The following SIM2 variants were observed in gnomAD, a reference collection of about 807,000 sequenced individuals.
The protein encoded by SIM2 is SIM bHLH transcription factor 2.
In SIM2, 28 loss-of-function variants were observed where a neutral mutation model predicts 64.8. The ratio of observed to expected loss-of-function variants is 0.43; its 90% CI spans 0.32 to 0.59. The LOEUF is 0.59. SIM2 is among the 20% of genes least tolerant of loss of function. SIM2 has a pLI of 0.07. For synonymous variants in SIM2, 408 were observed against 391.1 expected (o/e 1.04, Z -0.51); for missense variants, 847 against 871.4 (o/e 0.97, Z 0.35).
Position 36,749,675 on chromosome 21 carries a change from G to C in SIM2, c.*1583G>C, listed in dbSNP as rs897253288. ...TTGTGAGTGTGTGCACAGGAAATAAGCCGAGGGTATTATTTTTTTATGTTC... is the reference window on the plus strand; with the variant it reads ...TTGTGAGTGTGTGCACAGGAAATAACCCGAGGGTATTATTTTTTTATGTTC... On this transcript the variant is annotated 3_prime_UTR_variant, in exon 11 of 11. Transcript: ENST00000290399. 1.3e-5 allele frequency: 2 copies of C among 152,104 alleles called. No individual in the cohort carries two copies. Among genetic ancestry groups the C allele is most frequent in the Non-Finnish European group, 2.9e-5 (2 of 68,026 alleles). The allele number at this position is 152,104 out of a possible 1,614,324, so 9.4% of individuals were successfully genotyped here.
intron 1 of SIM2, chr21:36,701,380 G>C (rs2088493577): frequency 1.3e-5 from 2 of 152,384 alleles, no homozygotes; most frequent in South Asian, 4.1e-4. Flanking sequence ...CGCTGGGTCT[G>C]GAGCTGCGCT....
At chr21:36,731,359 A>G (rs1271322713) in intron 7 of SIM2, among the ~76,000 whole-genome samples, 1 of 152,172 alleles carries the variant, frequency 6.6e-6, no homozygotes, top group African/African-American at 2.4e-5. Context: ...GCACCCTTTC[A>G]GGGAGACTCT....
In SIM2 at chr21:36,699,453, A is replaced by C; in HGVS notation, c.-294A>C. On this transcript the variant is annotated 5_prime_UTR_variant, in exon 1 of 11. Transcript: ENST00000290399. The surrounding 1 kb of genome is among the most constrained non-coding windows in gnomAD (Gnocchi z 5.6). ...GGCCGAGGCAGGAGAGGCAGGAGGG[A>C]GGAAACAGGAGCGAGCAGGAACGGG... is the stretch of plus-strand genomic sequence containing the variant. 2 of 213,864 alleles carry C rather than the reference A, an allele frequency of 9.4e-6. No homozygotes were observed. Among genetic ancestry groups the C allele is most frequent in the Non-Finnish European group, 1.8e-5 (2 of 110,564 alleles). 13.2% of individuals were successfully genotyped at this position (213,864 alleles called of 1,614,324 possible).
At chr21:36,736,616 G>A (rs968672820) in intron 7 of SIM2, among the ~76,000 whole-genome samples, 3 of 152,156 alleles carry the variant, frequency 2.0e-5, no homozygotes, top group Non-Finnish European at 4.4e-5. Flanking sequence ...CCTCGGACCA[G>A]AGAAGGGGGC....
chr21:36,746,675 C>T (rs962021463), intron 10 of SIM2, among the ~76,000 whole-genome samples: 4 of 152,212 alleles, frequency 2.6e-5, no homozygotes, highest in Non-Finnish European at 2.9e-5. Flanking sequence ...CCAGGAGCCA[C>T]GGATCCCTTA....
intron 7 of SIM2, among the ~76,000 whole-genome samples, chr21:36,736,839 C>CTTT (rs2089061326): frequency 1.0e-5 from 1 of 95,726 alleles, no homozygotes; most frequent in African/African-American, 5.6e-5. Context: ...TTCTTTCTTT[C>CTTT]TCTTTCTTTT....
At position 36,712,697 on chromosome 21, in the gene SIM2, C is replaced by T. The variant is rs760487409; in HGVS notation, c.348+75C>T. ...AGCAGATTTTGACAGCCTCACCCAA[C>T]TTGAAAATGAGTCTGTTTAAGTGTT... On this transcript the variant is annotated intron_variant, in intron 3 of 10. Coordinates refer to ENST00000290399, the MANE Select transcript of SIM2 (RefSeq NM_005069.6). 25 of 967,632 alleles carry T rather than the reference C, an allele frequency of 2.6e-5. No homozygotes were observed. In the African/African-American group the frequency reaches 3.7e-4, roughly 14 times the overall value. 59.9% of individuals were successfully genotyped at this position (967,632 alleles called of 1,614,324 possible). A position where few individuals can be genotyped will look rare whatever the true frequency, so the allele number is the denominator to read the frequency against.
Position 36,747,706 on chromosome 21 carries a change from C to A in SIM2, c.1618C>A (p.Pro540Thr), listed in dbSNP as rs1601066246. Residue 540 changes from proline (P) to threonine (T), a missense_variant, in exon 11 of 11, where the codon CCC becomes ACC. Physicochemically the swap from Pro to Thr is conservative, Grantham distance 38. This residue lies in a region of SIM2 where 447 missense variants were observed against 414.6 expected (regional missense o/e 1.08). Transcript: ENST00000290399. The surrounding 1 kb of genome is among the most constrained non-coding windows in gnomAD (Gnocchi z 4.5). ...AVRRFGEDTAPPSFPSCGHYR... is the reference protein window; with the variant it reads ...AVRRFGEDTATPSFPSCGHYR... ...GCGCAGGTTCGGCGAGGACACCGCG[C>A]CCCCGAGCTTCCCGAGCTGCGGCCA... is the stretch of plus-strand genomic sequence containing the variant. 2.3e-6 allele frequency: 3 copies of A among 1,282,730 alleles called. No individual in the cohort carries two copies. Among genetic ancestry groups the A allele is most frequent in the East Asian group, 6.7e-5 (2 of 29,706 alleles). 79.5% of individuals were successfully genotyped at this position (1,282,730 alleles called of 1,614,324 possible).
In SIM2 at chr21:36,699,861, A is replaced by G. The variant is rs746201650; in HGVS notation, c.115A>G (p.Lys39Glu). 6.2e-7 allele frequency: 1 copy of G among 1,609,718 alleles called. No homozygotes were observed. Among genetic ancestry groups the G allele is most frequent in the South Asian group, 1.1e-5 (1 of 89,998 alleles). ...GTCGGCCATCACTTCGCAGCTGGAC[A>G]AAGCGTCCATCATCCGCCTCACCAC... ...LPSAITSQLD[K>E]ASIIRLTTSY... Residue 39 changes from lysine (K) to glutamate (E), a missense_variant, in exon 1 of 11, where the codon AAA becomes GAA. Lys to Glu is a moderately conservative substitution (Grantham distance 56). Transcript: ENST00000290399. The surrounding 1 kb of genome is among the most constrained non-coding windows in gnomAD (Gnocchi z 5.6).
Position 36,745,145 on chromosome 21 carries a change from G to C in SIM2, c.1576+9G>C. The C allele has an allele frequency of 6.2e-7, 1 of 1,604,750 alleles. No individual in the cohort carries two copies. Among genetic ancestry groups the C allele is most frequent in the East Asian group, 2.2e-5 (1 of 44,550 alleles). ...GGTGCCAAGCTACGAAGGTGGGTCAGGTCTGCTCGTGGGGAAGGTGGGAGG... is the reference window on the plus strand; with the variant it reads ...GGTGCCAAGCTACGAAGGTGGGTCACGTCTGCTCGTGGGGAAGGTGGGAGG... On this transcript the variant is annotated intron_variant, in intron 10 of 10. Coordinates refer to ENST00000290399, the MANE Select transcript of SIM2 (RefSeq NM_005069.6). The surrounding 1 kb of genome is among the most constrained non-coding windows in gnomAD (Gnocchi z 4.8).
intron 9 of SIM2, 91 bp from the exon 10 acceptor site, chr21:36,744,637 T>G: frequency 6.9e-7 from 1 of 1,455,724 alleles, no homozygotes; most frequent in Non-Finnish European, 9.1e-7. Flanking sequence ...TTGGATGGGG[T>G]TGGGCCCCGT....
chr21:36,721,323 G>A (rs1443237655), intron 4 of SIM2, among the ~76,000 whole-genome samples: 4 of 152,230 alleles, frequency 2.6e-5, no homozygotes, highest in Admixed American at 1.3e-4. Flanking sequence ...CATCGCACCT[G>A]AATCGAATTC....
chr21:36,740,655 T>C (rs1159348467), intron 7 of SIM2, among the ~76,000 whole-genome samples: 1 of 152,220 alleles, frequency 6.6e-6, no homozygotes, highest in African/African-American at 2.4e-5. Flanking sequence ...CTGGGGGCTT[T>C]GCCCAGCGGT....
At position 36,748,471 on chromosome 21, in the gene SIM2, C is replaced by CT; in HGVS notation, c.*379_*380insT. ...TATCCTCCACTTTCAGGAGGGAAAA[C>CT]CCACCCTACCACAGTCCGCTCTTCC... On this transcript the variant is annotated 3_prime_UTR_variant, in exon 11 of 11. Transcript: ENST00000290399. The CT allele has an allele frequency of 6.5e-6, 1 of 152,750 alleles. No individual in the cohort carries two copies. Among genetic ancestry groups the CT allele is most frequent in the Admixed American group, 6.5e-5 (1 of 15,306 alleles). 9.5% of individuals were successfully genotyped at this position (152,750 alleles called of 1,614,324 possible). A position where few individuals can be genotyped will look rare whatever the true frequency, so the allele number is the denominator to read the frequency against.
Position 36,747,899 on chromosome 21 carries a change from G to A in SIM2, c.1811G>A (p.Arg604His). ...CCCTTCGTGCTGCTCAACTACCACC[G>A]CGTGCTGGCCCGGCGCGGACCGCTG... The part of the protein sequence containing the change: ...QLPFVLLNYH[R>H]VLARRGPLGG... Residue 604 changes from arginine to histidine, a missense_variant, in exon 11 of 11, where the codon CGC (arginine) becomes CAC (histidine). Coordinates refer to ENST00000290399, the MANE Select transcript of SIM2 (RefSeq NM_005069.6). This position sits in a 1 kb window ranked among gnomAD's most constrained non-coding sequence, Gnocchi z 4.5. 9.3e-7 allele frequency: 1 copy of A among 1,071,420 alleles called. No individual in the cohort carries two copies. The allele number at this position is 1,071,420 out of a possible 1,614,324, so 66.4% of individuals were successfully genotyped here.
At position 36,699,773 on chromosome 21, in the gene SIM2, C is replaced by A; in HGVS notation, c.27C>A (p.Ala9=). The A allele has an allele frequency of 6.2e-7, 1 of 1,612,954 alleles. No individual in the cohort carries two copies. Among genetic ancestry groups the A allele is most frequent in the East Asian group, 2.2e-5 (1 of 44,810 alleles). MKEKSKNA[A]KTRREKENGE... ...TGAAGGAGAAGTCCAAGAATGCGGC[C>A]AAGACCAGGAGGGAGAAGGAAAATG... is the stretch of plus-strand genomic sequence containing the variant. Residue 9 remains alanine (A), a synonymous_variant, in exon 1 of 11, where the codon GCC becomes GCA. Transcript: ENST00000290399. The surrounding 1 kb of genome is among the most constrained non-coding windows in gnomAD (Gnocchi z 5.6).
At chr21:36,739,292 C>T (rs2089123092) in intron 7 of SIM2, among the ~76,000 whole-genome samples, 1 of 152,040 alleles carries the variant, frequency 6.6e-6, no homozygotes, top group Middle Eastern at 3.2e-3. Context: ...GAAATTGAGT[C>T]ACAGGGGGGT....
intron 2 of SIM2, 126 bp downstream of exon 2, chr21:36,709,376 GA>G: frequency 1.2e-6 from 1 of 810,856 alleles, no homozygotes; most frequent in Non-Finnish European, 2.1e-6. Flanking sequence ...GGGGGCTGGG[GA>G]TGGGGTGGTC....
At chr21:36,746,755 T>G (rs2089231878) in intron 10 of SIM2, among the ~76,000 whole-genome samples, 1 of 152,138 alleles carries the variant, frequency 6.6e-6, no homozygotes, top group Non-Finnish European at 1.5e-5. Context: ...CTCCAGAACA[T>G]CCAAGCAAAG....
Sources: allele counts gnomAD v4.1 joint callset (sites outside exome capture counted in the v4.1 genomes callset), GRCh38; gene constraint gnomAD v4.1.1; regional missense constraint gnomAD v4.1.1; non-coding constraint Gnocchi (gnomAD v3.1); transcripts MANE v1.5; gene names NCBI Gene and HGNC (gene_info 2026-07-23, HGNC 2026-07-21).